The following TFDP1 variants were observed in gnomAD, a reference collection of about 807,000 sequenced individuals.
TFDP1 encodes the protein transcription factor Dp-1, also known as DRTF1-polypeptide 1.
TFDP1 carries 6 observed loss-of-function variants against 48.0 expected under a neutral mutation model. The ratio of observed to expected loss-of-function variants is 0.13; its 90% confidence interval spans 0.07 to 0.25. The LOEUF is 0.25. Among genes scored for constraint, TFDP1 ranks in the 10% least tolerant of loss-of-function variants. TFDP1 has a pLI of 1.00. For missense variants in TFDP1, 335 were observed against 543.0 expected, an observed-to-expected ratio of 0.62 and a Z score of 3.81; for synonymous variants, 201 against 211.6, an observed-to-expected ratio of 0.95 and a Z score of 0.44.
At chr13:113,619,747 G>T (rs909536001) in intron 3 of TFDP1, among the ~76,000 whole-genome samples, 1 of 152,180 alleles carries the variant, frequency 6.6e-6, no homozygotes, top group African/African-American at 2.4e-5. Context: ...TACGTACCCT[G>T]CCCTCTGTCC....
intron 4 of TFDP1, among the ~76,000 whole-genome samples, chr13:113,624,317 A>C (rs573819887): frequency 1.3e-5 from 2 of 151,228 alleles, no homozygotes; most frequent in Admixed American, 1.3e-4. Context: ...AGGCATACCC[A>C]GGTGTCCTCA....
intron 3 of TFDP1, among the ~76,000 whole-genome samples, chr13:113,614,714 G>C (rs1190629756): frequency 6.6e-6 from 1 of 152,204 alleles, no homozygotes; most frequent in Non-Finnish European, 1.5e-5. Flanking sequence ...CCTGTGTCCA[G>C]TTCCCCACTG....
At chr13:113,591,616 T>C (rs555315049) in intron 2 of TFDP1, among the ~76,000 whole-genome samples, 1 of 152,326 alleles carries the variant, frequency 6.6e-6, no homozygotes, top group Admixed American at 6.5e-5. Flanking sequence ...TCTTGGTATT[T>C]ACATTAAAAA....
At position 113,607,655 on chromosome 13, in the gene TFDP1, TC is replaced by T. The variant is rs974845806; in HGVS notation, c.13-3339del. 6.6e-6 allele frequency among the ~76,000 whole-genome samples: 1 copy of T among 152,138 alleles called. No homozygotes were observed. Among genetic ancestry groups the T allele is most frequent in the African/African-American group, 2.4e-5 (1 of 41,412 alleles). ...CGGCCCCTTCACCCCACCTTAGACT[TC>T]CTGGAAGGGCCGCCCGGGTCCACAA... On this transcript the variant is annotated intron_variant, in intron 2 of 11. Coordinates refer to ENST00000375370, the MANE Select transcript of TFDP1 (RefSeq NM_007111.5). The surrounding 1 kb of genome is among the most constrained non-coding windows in gnomAD (Gnocchi z 5.2).
chr13:113,605,930 C>G (rs1171205349), intron 2 of TFDP1, among the ~76,000 whole-genome samples: 2 of 127,112 alleles, frequency 1.6e-5, no homozygotes, highest in African/African-American at 3.3e-5. Context: ...CATAGGGGAT[C>G]CTGTGGGAAG....
chr13:113,621,606 C>T (rs954035858), intron 3 of TFDP1, among the ~76,000 whole-genome samples: 5 of 152,212 alleles, frequency 3.3e-5, no homozygotes, highest in African/African-American at 1.2e-4. Flanking sequence ...GCTGAGGGGA[C>T]ATAGTGAGGA....
intron 2 of TFDP1, among the ~76,000 whole-genome samples, chr13:113,602,515 T>C (rs2048462979): frequency 6.6e-6 from 1 of 152,160 alleles, no homozygotes; most frequent in Admixed American, 6.5e-5. Context: ...ATTATGCAGT[T>C]TAATGTGCAG....
In TFDP1 at chr13:113,617,178, G is replaced by A. The variant is rs4150752; in HGVS notation, c.80-6002G>A. ...TAGGTGTGTGATTTGTGCAACGGAG[G>A]CCTCTGATAACTGCCAGAGTAGATA... On this transcript the variant is annotated intron_variant, in intron 3 of 11. Coordinates refer to ENST00000375370, the MANE Select transcript of TFDP1 (RefSeq NM_007111.5). Among the ~76,000 whole-genome samples the A allele has an allele frequency of 6.2e-3, 947 of 152,308 alleles. 33 individuals are homozygous for A. The East Asian group carries it at 0.11, about 17-fold the overall frequency.
chr13:113,610,091 G>A (rs906119611), intron 2 of TFDP1, among the ~76,000 whole-genome samples: 15 of 152,204 alleles, frequency 9.9e-5, no homozygotes, highest in African/African-American at 4.8e-5. Flanking sequence ...GTGTCTTGCC[G>A]TGTGGCTGTA....
chr13:113,624,262 G>A (rs2049065231), intron 4 of TFDP1, among the ~76,000 whole-genome samples: 1 of 152,150 alleles, frequency 6.6e-6, no homozygotes, highest in Non-Finnish European at 1.5e-5. Flanking sequence ...GAACACCTCC[G>A]GGTGGGATGA....
chr13:113,590,571 T>G (rs1363729462), intron 2 of TFDP1, among the ~76,000 whole-genome samples: 4 of 152,208 alleles, frequency 2.6e-5, no homozygotes, highest in Non-Finnish European at 4.4e-5. Context: ...TTAAGAAGGT[T>G]GTCAGTTTAG....
At chr13:113,608,295 T>C (rs2048619734) in intron 2 of TFDP1, among the ~76,000 whole-genome samples, 1 of 152,228 alleles carries the variant, frequency 6.6e-6, no homozygotes, top group Non-Finnish European at 1.5e-5. Flanking sequence ...CAGGCGCTCA[T>C]GCTCATCCTG....
chr13:113,602,007 G>A (rs565078106), intron 2 of TFDP1, among the ~76,000 whole-genome samples: 1 of 152,190 alleles, frequency 6.6e-6, no homozygotes, highest in African/African-American at 2.4e-5. Flanking sequence ...CGCAGGAGTC[G>A]AGGGAGGAGC....
Position 113,623,151 on chromosome 13 carries a change from G to A in TFDP1, c.80-29G>A, listed in dbSNP as rs1023030388. ...AGCCTTAACTTAGAAAAGGAGTCTC[G>A]CCCTTGACCTGGTGTCCTTGTGTTG... On this transcript the variant is annotated intron_variant, in intron 3 of 11. Transcript: ENST00000375370. This position sits in a 1 kb window ranked among gnomAD's most constrained non-coding sequence, Gnocchi z 5.2. The A allele has an allele frequency of 3.8e-6, 6 of 1,592,780 alleles. No individual in the cohort carries two copies. The highest frequency in any genetic ancestry group is 1.7e-4 in the Middle Eastern group (1 of 6,010).
At chr13:113,635,399 A>T (rs1014592118) in intron 8 of TFDP1, among the ~76,000 whole-genome samples, 1 of 152,094 alleles carries the variant, frequency 6.6e-6, no homozygotes, top group African/African-American at 2.4e-5. Context: ...GTGGGGATAG[A>T]CCCAGGGTGG....
chr13:113,635,912 C>G, intron 8 of TFDP1, 65 bp from the exon 9 acceptor site: 2 of 1,555,532 alleles, frequency 1.3e-6, no homozygotes, highest in Non-Finnish European at 1.7e-6. Flanking sequence ...TGTGAGGACC[C>G]CTCGAGCACA....
intron 3 of TFDP1, among the ~76,000 whole-genome samples, chr13:113,615,363 G>T (rs1412867872): frequency 6.6e-5 from 10 of 152,188 alleles, no homozygotes; most frequent in Non-Finnish European, 1.5e-4. Context: ...AGTGCTGATA[G>T]GAGCTTTTCC....
chr13:113,640,674 C>T lies in TFDP1; in HGVS notation c.*407C>T, dbSNP rs549122060. On this transcript the variant is annotated 3_prime_UTR_variant, in exon 12 of 12. Coordinates refer to ENST00000375370, the MANE Select transcript of TFDP1 (RefSeq NM_007111.5). ...GCCGCTTATTTGCCGTGAGTTTGGA[C>T]GGCACCCCTGCTGGCGGATAGCAAG... 1.8e-4 allele frequency: 45 copies of T among 253,484 alleles called. No individual in the cohort carries two copies. The highest frequency in any genetic ancestry group is 9.1e-4 in the South Asian group (23 of 25,254). 15.7% of individuals were successfully genotyped at this position (253,484 alleles called of 1,614,324 possible).
intron 2 of TFDP1, among the ~76,000 whole-genome samples, chr13:113,608,664 T>C (rs2048630126): frequency 6.6e-6 from 1 of 152,206 alleles, no homozygotes; most frequent in Non-Finnish European, 1.5e-5. Flanking sequence ...CTTACGCACC[T>C]GGCTGTTCTC....
Sources: gnomAD v4.1 joint callset for allele counts (sites outside exome capture counted in the v4.1 genomes callset) on GRCh38, gnomAD v4.1.1 for gene constraint, Gnocchi (gnomAD v3.1) non-coding constraint, MANE v1.5 for transcripts, NCBI Gene and HGNC (gene_info 2026-07-23, HGNC 2026-07-21) for gene names.